Variants in NMNAT2 observed in about 807,000 individuals in gnomAD.
NMNAT2 encodes nicotinamide nucleotide adenylyltransferase 2.
NMNAT2 carries 11 observed loss-of-function variants against 41.6 expected under a neutral mutation model. The observed-to-expected ratio is 0.26, with a 90% confidence interval of 0.17 to 0.44. NMNAT2 has a LOEUF of 0.44. Among genes scored for constraint, NMNAT2 ranks in the 20% least tolerant of loss-of-function variants. The probability of loss-of-function intolerance (pLI) is 1.00; values close to 1 mark genes in which losing one functional copy is unlikely to be tolerated. For missense variants in NMNAT2, 288 were observed against 407.7 expected, an observed-to-expected ratio of 0.71 and a Z score of 2.53; for synonymous variants, 148 against 151.2, an observed-to-expected ratio of 0.98 and a Z score of 0.16.
At chr1:183,282,881 CCTTTT>C (rs1266396579) in intron 7 of NMNAT2, 1 of 152,050 alleles carries the variant, frequency 6.6e-6, no homozygotes, top group Non-Finnish European at 1.5e-5. Flanking sequence ...AGTATTCATT[CCTTTT>C]GTTTTTAATT....
At chr1:183,374,621 A>G (rs1329196620) in intron 1 of NMNAT2, among the ~76,000 whole-genome samples, 1 of 152,226 alleles carries the variant, frequency 6.6e-6, no homozygotes, top group Non-Finnish European at 1.5e-5. Flanking sequence ...TTATTTTCAA[A>G]CTGTGTTGTA....
At position 183,261,870 on chromosome 1, in the gene NMNAT2, GTCACT is replaced by G. The variant is rs752435381; in HGVS notation, c.652-572_652-568del. On this transcript the variant is annotated intron_variant, in intron 8 of 10. Transcript: ENST00000287713. ...TAGGGAGATGATGATGATGATTAGG[GTCACT>G]TCAGAGATCAGCCTTTGATAGAAGC... 5.1e-4 allele frequency among the ~76,000 whole-genome samples: 77 copies of G among 152,116 alleles called. 1 individual carries two copies. The highest frequency in any genetic ancestry group is 1.1e-3 in the Admixed American group (17 of 15,270).
intron 1 of NMNAT2, among the ~76,000 whole-genome samples, chr1:183,346,966 A>C (rs569190063): frequency 5.9e-5 from 9 of 152,206 alleles, no homozygotes; most frequent in African/African-American, 1.9e-4. Context: ...CCTACTCTTC[A>C]AGACCCACTC....
intron 1 of NMNAT2, among the ~76,000 whole-genome samples, chr1:183,339,160 C>T (rs748424646): frequency 6.6e-6 from 1 of 151,904 alleles, no homozygotes. Context: ...TGCAGTGGTA[C>T]GATCTCGGCT....
At chr1:183,382,230 A>G (rs997741885) in intron 1 of NMNAT2, among the ~76,000 whole-genome samples, 4 of 151,536 alleles carry the variant, frequency 2.6e-5, no homozygotes, top group Non-Finnish European at 4.4e-5. Flanking sequence ...TTAAGCAACC[A>G]GATCTCAAGA....
At chr1:183,332,500 AAG>A (rs1662605672) in intron 1 of NMNAT2, among the ~76,000 whole-genome samples, 2 of 152,200 alleles carry the variant, frequency 1.3e-5, no homozygotes, top group Non-Finnish European at 2.9e-5. Flanking sequence ...ACTGGAACCA[AAG>A]AGAGGGGGAT....
intron 8 of NMNAT2, among the ~76,000 whole-genome samples, chr1:183,274,749 T>C (rs1364007756): frequency 4.8e-5 from 7 of 146,494 alleles, no homozygotes; most frequent in African/African-American, 1.8e-4. Context: ...CTGGGCAACA[T>C]AGTGAGACCT....
chr1:183,382,891 T>C (rs1663831099), intron 1 of NMNAT2, among the ~76,000 whole-genome samples: 1 of 152,134 alleles, frequency 6.6e-6, no homozygotes, highest in African/African-American at 2.4e-5. Context: ...GCCTGGAGGA[T>C]GGTGGCTGTC....
At chr1:183,360,913 A>G (rs1204884757) in intron 1 of NMNAT2, among the ~76,000 whole-genome samples, 3 of 152,192 alleles carry the variant, frequency 2.0e-5, no homozygotes, top group Admixed American at 1.3e-4. Flanking sequence ...AAAATCTCAA[A>G]CCTTATAAAA....
intron 1 of NMNAT2, among the ~76,000 whole-genome samples, chr1:183,345,143 C>T (rs147012639): frequency 6.6e-6 from 1 of 152,014 alleles, no homozygotes; most frequent in African/African-American, 2.4e-5. Flanking sequence ...CACCTTGTCT[C>T]CCCCTAGCTG....
chr1:183,362,750 A>G (rs906041224), intron 1 of NMNAT2, among the ~76,000 whole-genome samples: 2 of 152,154 alleles, frequency 1.3e-5, no homozygotes, highest in African/African-American at 4.8e-5. Flanking sequence ...TTAGTGTTTC[A>G]ATTGTTTTCA....
chr1:183,270,543 AAGAG>A (rs1181735954), intron 8 of NMNAT2, among the ~76,000 whole-genome samples: 2 of 151,086 alleles, frequency 1.3e-5, no homozygotes, highest in Non-Finnish European at 3.0e-5. Flanking sequence ...AAAAAAAAAA[AAGAG>A]AGAGAACCAT....
At chr1:183,274,147 A>C (rs1661064756) in intron 8 of NMNAT2, among the ~76,000 whole-genome samples, 1 of 151,716 alleles carries the variant, frequency 6.6e-6, no homozygotes, top group Admixed American at 6.6e-5. Flanking sequence ...TCCTGACCTC[A>C]AGTGATCCAC....
At chr1:183,397,079 C>A (rs951113436) in intron 1 of NMNAT2, among the ~76,000 whole-genome samples, 1 of 152,190 alleles carries the variant, frequency 6.6e-6, no homozygotes, top group Admixed American at 6.5e-5. Context: ...GGCTTTGAGA[C>A]AAGGGTGGTG....
intron 1 of NMNAT2, among the ~76,000 whole-genome samples, chr1:183,386,398 C>T (rs1002375019): frequency 6.6e-6 from 1 of 152,070 alleles, no homozygotes; most frequent in Non-Finnish European, 1.5e-5. Context: ...TTTTGAATAG[C>T]AATGTACCAT....
chr1:183,286,706 TG>T lies in NMNAT2; in HGVS notation c.403del (p.Gln135SerfsTer42). ...VIGQPQNETP[Q>X]PIYQNSNVAT... ...CACGTTGCTGTTCTGGTAAATGGGC[TG>T]GGGGGTCTCGTTTTGTGGCTGTCCG... is the stretch of plus-strand genomic sequence containing the variant. On this transcript the variant is annotated frameshift_variant, in exon 5 of 11. Coordinates refer to ENST00000287713, the MANE Select transcript of NMNAT2 (RefSeq NM_015039.4). LOFTEE classifies it high-confidence loss of function. 1 of 1,612,472 alleles carries T rather than the reference TG, an allele frequency of 6.2e-7. No individual in the cohort carries two copies. The highest frequency in any genetic ancestry group is 1.1e-5 in the South Asian group (1 of 90,538).
At chr1:183,272,624 A>G (rs995029103) in intron 8 of NMNAT2, among the ~76,000 whole-genome samples, 7 of 152,124 alleles carry the variant, frequency 4.6e-5, no homozygotes, top group African/African-American at 9.7e-5. Flanking sequence ...CTGGATGGAG[A>G]GCTTTGGTTC....
intron 1 of NMNAT2, among the ~76,000 whole-genome samples, chr1:183,351,649 C>A (rs527616376): frequency 6.6e-6 from 1 of 152,296 alleles, no homozygotes; most frequent in African/African-American, 2.4e-5. Context: ...GTTGAAAGGA[C>A]TGAACCTCTA....
intron 8 of NMNAT2, among the ~76,000 whole-genome samples, chr1:183,272,774 GC>G (rs1396868647): frequency 1.3e-5 from 2 of 152,212 alleles, no homozygotes; most frequent in Non-Finnish European, 2.9e-5. Context: ...CTGCTCCACA[GC>G]CCCTTCAGGC....
Sources: gnomAD v4.1 joint callset for allele counts (sites outside exome capture counted in the v4.1 genomes callset) on GRCh38, gnomAD v4.1.1 for gene constraint, MANE v1.5 for transcripts, NCBI Gene and HGNC (gene_info 2026-07-23, HGNC 2026-07-21) for gene names.